The following INSR variants were observed in gnomAD, a reference collection of about 807,000 sequenced individuals.
INSR encodes the protein IR.
In INSR, 67 loss-of-function variants were observed where a neutral mutation model predicts 142.6. The ratio of observed to expected loss-of-function variants is 0.47; its 90% CI spans 0.39 to 0.58. INSR has a LOEUF of 0.58. Among genes scored for constraint, INSR ranks in the 20% least tolerant of loss-of-function variants. INSR has a pLI of 0.00. For synonymous variants in INSR, 756 were observed against 743.1 expected (o/e 1.02, Z -0.28); for missense variants, 1,248 against 1,833.2 (o/e 0.68, Z 5.83).
At chr19:7,165,612 C>T (rs1443787838) in intron 8 of INSR, among the ~76,000 whole-genome samples, 1 of 152,092 alleles carries the variant, frequency 6.6e-6, no homozygotes. Flanking sequence ...CTTCTAATCC[C>T]AGGACTTTGG....
intron 3 of INSR, among the ~76,000 whole-genome samples, chr19:7,176,762 G>A (rs1974143872): frequency 6.6e-6 from 1 of 152,132 alleles, no homozygotes; most frequent in Admixed American, 6.6e-5. Context: ...CTGCAGAACT[G>A]TCAGCCAATT....
At chr19:7,137,037 T>C (rs531330972) in intron 13 of INSR, among the ~76,000 whole-genome samples, 1 of 152,088 alleles carries the variant, frequency 6.6e-6, no homozygotes, top group East Asian at 1.9e-4. Context: ...TTCACCATGC[T>C]GGCCAGGCTG....
chr19:7,284,812 G>A (rs1385573455), intron 1 of INSR, among the ~76,000 whole-genome samples: 9 of 152,118 alleles, frequency 5.9e-5, no homozygotes, highest in African/African-American at 1.9e-4. Context: ...GAGCCACTGC[G>A]CCTGCTCAAA....
At chr19:7,132,125 C>A (rs35169098) in intron 14 of INSR, 33 bp downstream of exon 14, 4 of 1,613,490 alleles carry the variant, frequency 2.5e-6, no homozygotes, top group Non-Finnish European at 3.4e-6. Flanking sequence ...CTAAGCACAG[C>A]CCCAGTCAGC....
chr19:7,150,671 G>A lies in INSR; in HGVS notation c.2232-139C>T, dbSNP rs768323935. ...CCTGGACCACTCGCTCCCATCACTTGCTAGACGGAGTGAGCTACATCTTCC... is the reference window on the plus strand; with the variant it reads ...CCTGGACCACTCGCTCCCATCACTTACTAGACGGAGTGAGCTACATCTTCC... On this transcript the variant is annotated intron_variant, in intron 10 of 21. Transcript: ENST00000302850. The surrounding 1 kb of genome is among the most constrained non-coding windows in gnomAD (Gnocchi z 4.2). 1 of 762,900 alleles carries A rather than the reference G, an allele frequency of 1.3e-6. No homozygotes were observed. Among genetic ancestry groups the A allele is most frequent in the Non-Finnish European group, 2.3e-6 (1 of 430,760 alleles). 47.3% of individuals were successfully genotyped at this position (762,900 alleles called of 1,614,324 possible). A position where few individuals can be genotyped will look rare whatever the true frequency, so the allele number is the denominator to read the frequency against.
intron 1 of INSR, among the ~76,000 whole-genome samples, chr19:7,290,511 A>G (rs557527614): frequency 6.5e-4 from 98 of 150,330 alleles, no homozygotes; most frequent in Admixed American, 3.0e-3. Context: ...GATGGCTCAC[A>G]CCTATAATCC....
rs1975455377 is a variant in INSR at position 7,216,996 on chromosome 19, CTTCTT to C, written c.653-32364_653-32360del. Among the ~76,000 whole-genome samples the C allele has an allele frequency of 5.2e-5, 1 of 19,048 alleles. No individual in the cohort carries two copies. 12.5% of individuals were successfully genotyped at this position (19,048 alleles called of 152,430 possible). ...CCAGCTAATTTTTCTTCTTCTTCTTCTTCTTTTTTTTTTTTTTGTAGAGATGGGGT... is the reference window on the plus strand; with the variant it reads ...CCAGCTAATTTTTCTTCTTCTTCTTCTTTTTTTTTTTTGTAGAGATGGGGT... On this transcript the variant is annotated intron_variant, in intron 2 of 21. Coordinates refer to ENST00000302850, the MANE Select transcript of INSR (RefSeq NM_000208.4). The surrounding 1 kb of genome is among the most constrained non-coding windows in gnomAD (Gnocchi z 4.2).
chr19:7,285,613 G>C (rs903177609), intron 1 of INSR, among the ~76,000 whole-genome samples: 1 of 152,000 alleles, frequency 6.6e-6, no homozygotes, highest in African/African-American at 2.4e-5. Context: ...TCCAGCCTGG[G>C]TATCAGAGCA....
intron 21 of INSR, among the ~76,000 whole-genome samples, chr19:7,118,463 G>A (rs566584537): frequency 1.3e-5 from 2 of 151,752 alleles, no homozygotes; most frequent in South Asian, 2.1e-4. Flanking sequence ...GATTACAGGC[G>A]CCCACGACCG....
chr19:7,239,923 C>T (rs1321384801), intron 2 of INSR, among the ~76,000 whole-genome samples: 1 of 152,096 alleles, frequency 6.6e-6, no homozygotes, highest in African/African-American at 2.4e-5. Context: ...TGAGGAAGAT[C>T]GCAGAGTTTT....
At chr19:7,158,536 T>A (rs1973672177) in intron 9 of INSR, among the ~76,000 whole-genome samples, 1 of 151,688 alleles carries the variant, frequency 6.6e-6, no homozygotes, top group African/African-American at 2.4e-5. Context: ...AAAATGAGCA[T>A]AATGAAGTCT....
chr19:7,137,737 A>C, intron 13 of INSR, among the ~76,000 whole-genome samples: 1 of 141,430 alleles, frequency 7.1e-6, no homozygotes, highest in East Asian at 2.3e-4. Context: ...CAGTGAGCTG[A>C]GACTGCACCA....
rs372775148 is a variant in INSR, at chr19:7,164,687, G to A, written c.1861+1467C>T. On this transcript the variant is annotated intron_variant, in intron 8 of 21. Transcript: ENST00000302850. ...AAAAAAAAAAAAAAATTCGCCAATC[G>A]TGGTGGTGCATGCATGTAATCCCAG... Among the ~76,000 whole-genome samples the A allele has an allele frequency of 2.7e-5, 4 of 150,302 alleles. 1 individual carries two copies. The highest frequency in any genetic ancestry group is 1.9e-4 in the East Asian group (1 of 5,148).
intron 2 of INSR, among the ~76,000 whole-genome samples, chr19:7,198,290 C>A (rs1296421723): frequency 2.0e-5 from 3 of 151,674 alleles, no homozygotes; most frequent in African/African-American, 7.3e-5. Flanking sequence ...GGGCTCCGCT[C>A]CCCAGACTGG....
rs1037171690 is a variant in INSR, at chr19:7,114,037, G to T, written c.*3019C>A. Reference sequence around the variant, plus strand: ...GTCAAACCCCAACACAGAGGTCCAAGGTGTTGTTGCAAAAAAAAAAAAAAA... The same window carrying T: ...GTCAAACCCCAACACAGAGGTCCAATGTGTTGTTGCAAAAAAAAAAAAAAA... On this transcript the variant is annotated 3_prime_UTR_variant, in exon 22 of 22. Transcript: ENST00000302850. The T allele has an allele frequency of 5.8e-5, 7 of 121,496 alleles. No homozygotes were observed. Among genetic ancestry groups the T allele is most frequent in the Non-Finnish European group, 1.1e-4 (7 of 61,172 alleles). 7.5% of individuals were successfully genotyped at this position (121,496 alleles called of 1,614,324 possible). A position where few individuals can be genotyped will look rare whatever the true frequency, so the allele number is the denominator to read the frequency against.
chr19:7,219,925 C>CTT (rs72293727), intron 2 of INSR, among the ~76,000 whole-genome samples: 2 of 152,086 alleles, frequency 1.3e-5, no homozygotes, highest in African/African-American at 2.4e-5. Context: ...GGAAAAATCT[C>CTT]TCTATCACTC....
At chr19:7,293,047 G>A (rs1198253244) in intron 1 of INSR, among the ~76,000 whole-genome samples, 1 of 152,164 alleles carries the variant, frequency 6.6e-6, no homozygotes, top group Non-Finnish European at 1.5e-5. Flanking sequence ...TCTGTGAAAT[G>A]GGTGCATAAC....
At chr19:7,293,689 T>G in intron 1 of INSR, 103 bp downstream of exon 1, 1 of 967,314 alleles carries the variant, frequency 1.0e-6, no homozygotes, top group Non-Finnish European at 1.3e-6. Context: ...CCCCCGCCCC[T>G]GGGGAGGGTT....
At chr19:7,292,480 T>TGGGGGGGGGGGGGGGGG (rs1568242710) in intron 1 of INSR, among the ~76,000 whole-genome samples, 1 of 92,454 alleles carries the variant, frequency 1.1e-5, no homozygotes, top group Non-Finnish European at 2.3e-5. Flanking sequence ...TGGGGGGGGG[T>TGGGGGGGGGGGGGGGGG]GGGCCCGGGG....
Sources: allele counts gnomAD v4.1 joint callset (sites outside exome capture counted in the v4.1 genomes callset), GRCh38; gene constraint gnomAD v4.1.1; non-coding constraint Gnocchi (gnomAD v3.1); transcripts MANE v1.5; gene names NCBI Gene and HGNC (gene_info 2026-07-23, HGNC 2026-07-21).